CTNNA3: variants seen among roughly 807,000 people sequenced by gnomAD.
CTNNA3 encodes catenin alpha-3.
A neutral mutation model predicts 95.7 loss-of-function variants in CTNNA3; 76 were observed. The observed-to-expected ratio is 0.79, with a 90% CI of 0.66 to 0.96. The LOEUF (loss-of-function observed/expected upper bound fraction) is 0.96, where lower values mean the gene tolerates loss of function less well. Ranked by LOEUF, CTNNA3 falls within the 40% of genes least tolerant of loss-of-function variation. The probability of loss-of-function intolerance (pLI) is 0.00; values close to 1 mark genes in which losing one functional copy is unlikely to be tolerated. For synonymous variants in CTNNA3, 431 were observed against 374.4 expected, an observed-to-expected ratio of 1.15 and a Z score of -1.74; for missense variants, 1,191 against 1,089.8, an observed-to-expected ratio of 1.09 and a Z score of -1.31.
chr10:67,604,102 G>T (rs1293599587), intron 3 of CTNNA3, among the ~76,000 whole-genome samples: 1 of 152,202 alleles, frequency 6.6e-6, no homozygotes, highest in Non-Finnish European at 1.5e-5. Context: ...AGCCTAGGAT[G>T]CCTAGGTGTG....
intron 13 of CTNNA3, among the ~76,000 whole-genome samples, chr10:66,106,369 G>GTGTGTGTA (rs1554850370): frequency 9.2e-5 from 12 of 130,280 alleles, no homozygotes; most frequent in African/African-American, 2.7e-4. Context: ...GTGTGTGTGT[G>GTGTGTGTA]TGTGTGTGTT....
chr10:66,466,339 T>TACATACACACACACAC (rs1838912408), intron 11 of CTNNA3, among the ~76,000 whole-genome samples: 10 of 141,770 alleles, frequency 7.1e-5, no homozygotes, highest in Admixed American at 5.7e-4. Context: ...CACCCACCTA[T>TACATACACACACACAC]ACACACACAC....
intron 2 of CTNNA3, among the ~76,000 whole-genome samples, chr10:67,641,165 A>G (rs959645805): frequency 2.0e-5 from 3 of 152,214 alleles, no homozygotes; most frequent in African/African-American, 7.2e-5. Context: ...ACAAGAAAAA[A>G]AACAAACAAC....
At chr10:67,061,916 G>A (rs1855778228) in intron 7 of CTNNA3, among the ~76,000 whole-genome samples, 1 of 151,394 alleles carries the variant, frequency 6.6e-6, no homozygotes, top group Non-Finnish European at 1.5e-5. Context: ...TTGGTGCAAA[G>A]TATTAGAAAA....
chr10:66,659,971 T>C (rs1846204466), intron 9 of CTNNA3, among the ~76,000 whole-genome samples: 1 of 152,090 alleles, frequency 6.6e-6, no homozygotes, highest in Non-Finnish European at 1.5e-5. Context: ...TATGACAATA[T>C]TGACAATATT....
chr10:67,023,926 G>C (rs1447746790), intron 7 of CTNNA3, among the ~76,000 whole-genome samples: 1 of 152,184 alleles, frequency 6.6e-6, no homozygotes, highest in African/African-American at 2.4e-5. Flanking sequence ...AGTTGGGCTA[G>C]ATAATTTCTA....
intron 5 of CTNNA3, among the ~76,000 whole-genome samples, chr10:67,247,045 C>A (rs901412209): frequency 6.6e-6 from 1 of 152,110 alleles, no homozygotes. Context: ...CAGCTAAAAT[C>A]ATAATTAATA....
intron 2 of CTNNA3, among the ~76,000 whole-genome samples, chr10:67,618,818 G>A (rs909732541): frequency 1.6e-4 from 24 of 152,164 alleles, no homozygotes; most frequent in Non-Finnish European, 3.4e-4. Context: ...TCATTTGTCA[G>A]AACTCTCTCT....
chr10:66,966,850 A>G (rs1849444119), intron 7 of CTNNA3, among the ~76,000 whole-genome samples: 1 of 152,104 alleles, frequency 6.6e-6, no homozygotes, highest in Non-Finnish European at 1.5e-5. Flanking sequence ...CCAACATAGA[A>G]CTATAGCTTA....
chr10:66,064,596 G>T (rs1033724335), intron 15 of CTNNA3, among the ~76,000 whole-genome samples: 1 of 152,126 alleles, frequency 6.6e-6, no homozygotes, highest in Non-Finnish European at 1.5e-5. Context: ...CCATCAAGCT[G>T]GTGTGTGAAA....
intron 13 of CTNNA3, among the ~76,000 whole-genome samples, chr10:66,107,694 A>T (rs556473448): frequency 6.6e-6 from 1 of 152,182 alleles, no homozygotes; most frequent in East Asian, 1.9e-4. Flanking sequence ...TCCTTTCAGG[A>T]TCCCTAATGA....
intron 9 of CTNNA3, among the ~76,000 whole-genome samples, chr10:66,736,719 A>T (rs977040417): frequency 6.6e-6 from 1 of 152,002 alleles, no homozygotes; most frequent in African/African-American, 2.4e-5. Flanking sequence ...ATATTTTAAA[A>T]TTTCTATCTG....
rs551163018 is a variant in CTNNA3, at chr10:66,667,131, C to T, written c.1282-45347G>A. Among the ~76,000 whole-genome samples, 10 of 151,990 alleles carry T rather than the reference C, an allele frequency of 6.6e-5. No individual in the cohort carries two copies. The South Asian group carries it at 1.3e-3, about 19-fold the overall frequency. On this transcript the variant is annotated intron_variant, in intron 9 of 17. Coordinates refer to ENST00000433211, the MANE Select transcript of CTNNA3 (RefSeq NM_013266.4). ...AACTGTTGAAAGGTATTTTCACTAC[C>T]GCGAGGTTTCCAGTGTGTTTGGTTG...
At chr10:66,393,764 A>G (rs1229906448) in intron 11 of CTNNA3, among the ~76,000 whole-genome samples, 3 of 152,056 alleles carry the variant, frequency 2.0e-5, no homozygotes, top group African/African-American at 7.2e-5. Context: ...TCTCATAATA[A>G]TTCCAAGAGA....
chr10:66,626,827 C>T (rs10997266), intron 9 of CTNNA3, among the ~76,000 whole-genome samples: 64,604 of 151,738 alleles, frequency 0.43, 14,115 homozygotes, highest in Middle Eastern at 0.55. Context: ...AGTGTGTATA[C>T]GCATGGAAGA....
chr10:66,871,776 C>T (rs144708725), intron 7 of CTNNA3, among the ~76,000 whole-genome samples: 168 of 152,176 alleles, frequency 1.1e-3, no homozygotes, highest in African/African-American at 3.9e-3. Context: ...TAACTGGCAT[C>T]TATTAGGGAT....
intron 11 of CTNNA3, among the ~76,000 whole-genome samples, chr10:66,481,091 C>A (rs1839506523): frequency 6.6e-6 from 1 of 152,138 alleles, no homozygotes; most frequent in South Asian, 2.1e-4. Context: ...AGAAAAAATT[C>A]CATGCAGTTC....
intron 17 of CTNNA3, among the ~76,000 whole-genome samples, chr10:65,965,219 G>T (rs1409786289): frequency 1.3e-5 from 2 of 152,046 alleles, no homozygotes; most frequent in African/African-American, 2.4e-5. Context: ...CTGAACAGAG[G>T]AATCATAGAC....
chr10:67,568,066 C>T (rs1841866649), intron 3 of CTNNA3, among the ~76,000 whole-genome samples: 1 of 152,074 alleles, frequency 6.6e-6, no homozygotes, highest in Non-Finnish European at 1.5e-5. Flanking sequence ...TAGCCAGAAA[C>T]TAGGGGACTT....
Sources: gnomAD v4.1 joint callset for allele counts (sites outside exome capture counted in the v4.1 genomes callset) on GRCh38, gnomAD v4.1.1 for gene constraint, MANE v1.5 for transcripts, NCBI Gene and HGNC (gene_info 2026-07-23, HGNC 2026-07-21) for gene names.